The following IL23R variants were observed in gnomAD, a reference collection of about 807,000 sequenced individuals.
IL23R encodes the protein interleukin-23 receptor.
A neutral mutation model predicts 56.9 loss-of-function variants in IL23R; 34 were observed. That is an observed-to-expected ratio of 0.60 (90% CI 0.45 to 0.80). IL23R has a LOEUF of 0.80. Among genes scored for constraint, IL23R ranks in the 30% least tolerant of loss-of-function variants. The pLI, the probability that IL23R is intolerant of heterozygous loss-of-function variation, is 0.00. For missense variants in IL23R, 635 were observed against 730.0 expected (o/e 0.87, Z 1.50); for synonymous variants, 230 against 249.2 (o/e 0.92, Z 0.73).
intron 1 of IL23R, among the ~76,000 whole-genome samples, chr1:67,148,938 C>T (rs1646705374): frequency 6.6e-6 from 1 of 152,142 alleles, no homozygotes; most frequent in South Asian, 2.1e-4. Flanking sequence ...GAATGGAGTA[C>T]AGCCACTCTA....
chr1:67,235,006 T>C (rs990002663), intron 7 of IL23R, among the ~76,000 whole-genome samples: 4 of 152,132 alleles, frequency 2.6e-5, no homozygotes, highest in African/African-American at 9.7e-5. Context: ...AGTATTTTTA[T>C]TCTTAAAATT....
At chr1:67,265,705 G>A in the IL23R span, among the ~76,000 whole-genome samples, 1 of 152,094 alleles carries the variant, frequency 6.6e-6, no homozygotes, top group Non-Finnish European at 1.5e-5. Context: ...ATACCTAAAT[G>A]TGGAATTGCT....
Position 67,252,812 on chromosome 1 carries a change from AAAAAAAAG to A in IL23R, c.1149-3023_1149-3016del, listed in dbSNP as rs1428140722. Among the ~76,000 whole-genome samples the A allele has an allele frequency of 4.3e-5, 6 of 139,892 alleles. 1 individual carries two copies. The highest frequency in any genetic ancestry group is 5.1e-5 in the African/African-American group (2 of 38,914). 91.8% of individuals were successfully genotyped at this position (139,892 alleles called of 152,430 possible). On this transcript the variant is annotated intron_variant, in intron 9 of 10. Coordinates refer to ENST00000347310, the MANE Select transcript of IL23R (RefSeq NM_144701.3). ...CAGAACAAATTTATAGACAAAAAAA[AAAAAAAAG>A]AGAGAAGTGACATACAGAAATTGGC... is the stretch of plus-strand genomic sequence containing the variant.
In IL23R at chr1:67,259,131, C is replaced by G. The variant is rs765331957; in HGVS notation, c.*3C>G. 20 of 1,613,590 alleles carry G rather than the reference C, an allele frequency of 1.2e-5. No individual in the cohort carries two copies. The highest frequency in any genetic ancestry group is 1.7e-5 in the Non-Finnish European group (20 of 1,179,750). On this transcript the variant is annotated 3_prime_UTR_variant, in exon 11 of 11. Coordinates refer to ENST00000347310, the MANE Select transcript of IL23R (RefSeq NM_144701.3). ...GGATTTCACTCTTGGAAAAGTAGAG[C>G]TGTGTGGTCAAAATCAATATGAGAA...
intron 6 of IL23R, among the ~76,000 whole-genome samples, chr1:67,215,056 C>A (rs563317350): frequency 2.0e-5 from 3 of 152,276 alleles, no homozygotes; most frequent in Non-Finnish European, 4.4e-5. Context: ...CAATCACGAC[C>A]CTTTCATGTG....
At chr1:67,204,968 A>G (rs2102631560) in intron 5 of IL23R, among the ~76,000 whole-genome samples, 1 of 152,142 alleles carries the variant, frequency 6.6e-6, no homozygotes, top group South Asian at 2.1e-4. Context: ...TAGTAGAGAC[A>G]GGTGTTTCGC....
chr1:67,228,353 T>A (rs1363628379), intron 7 of IL23R, among the ~76,000 whole-genome samples: 2 of 95,990 alleles, frequency 2.1e-5, no homozygotes, highest in African/African-American at 7.3e-5. Context: ...CCAGCTAATT[T>A]TTTTTCTTCC....
intron 3 of IL23R, among the ~76,000 whole-genome samples, chr1:67,173,312 T>C (rs1646967170): frequency 6.6e-6 from 1 of 152,208 alleles, no homozygotes; most frequent in African/African-American, 2.4e-5. Context: ...TTTGATCTTT[T>C]GCAAAGTTAA....
At chr1:67,236,355 G>A (rs1338773857) in intron 7 of IL23R, among the ~76,000 whole-genome samples, 2 of 152,216 alleles carry the variant, frequency 1.3e-5, no homozygotes, top group Non-Finnish European at 1.5e-5. Flanking sequence ...ACCATCAATT[G>A]CAAGGAATCA....
At chr1:67,204,783 T>TC (rs33947567) in intron 5 of IL23R, among the ~76,000 whole-genome samples, 22 of 150,984 alleles carry the variant, frequency 1.5e-4, no homozygotes, top group Middle Eastern at 3.4e-3. Flanking sequence ...TTTTTTTTTT[T>TC]CCAGGGTTGG....
intron 7 of IL23R, among the ~76,000 whole-genome samples, chr1:67,226,773 C>T (rs79559184): frequency 0.013 from 1,942 of 152,258 alleles, 34 homozygotes; most frequent in African/African-American, 0.045. Context: ...GTATCACCAT[C>T]GCCTTAGTAG....
At position 67,206,903 on chromosome 1, in the gene IL23R, T is replaced by TTG; in HGVS notation, c.653-6_653-5insGT. On this transcript the variant is annotated splice_region_variant and splice_polypyrimidine_tract_variant and intron_variant, in intron 5 of 10. Coordinates refer to ENST00000347310, the MANE Select transcript of IL23R (RefSeq NM_144701.3). ...CCAGGTCTTTTTTTTTTTTTTTTTT[T>TTG]TTCTAGTGATACCTTCTGCAGCCGT... 1 of 1,532,486 alleles carries TTG rather than the reference T, an allele frequency of 6.5e-7. No homozygotes were observed. The highest frequency in any genetic ancestry group is 8.8e-7 in the Non-Finnish European group (1 of 1,142,768). The allele number at this position is 1,532,486 out of a possible 1,614,324, so 94.9% of individuals were successfully genotyped here. A position where few individuals can be genotyped will look rare whatever the true frequency, so the allele number is the denominator to read the frequency against.
downstream of IL23R, among the ~76,000 whole-genome samples, chr1:67,261,213 T>A (rs568968154): frequency 5.9e-5 from 9 of 152,130 alleles, no homozygotes; most frequent in South Asian, 1.9e-3. Context: ...GACCAATAAC[T>A]GCCCTCATTC....
intron 4 of IL23R, among the ~76,000 whole-genome samples, chr1:67,191,041 A>G (rs1045147457): frequency 6.6e-6 from 1 of 152,234 alleles, no homozygotes; most frequent in Non-Finnish European, 1.5e-5. Flanking sequence ...TTATGAGCCC[A>G]GAGAGCTAAT....
upstream of IL23R, among the ~76,000 whole-genome samples, chr1:67,164,342 A>G (rs1318412726): frequency 6.6e-6 from 1 of 152,128 alleles, no homozygotes; most frequent in Non-Finnish European, 1.5e-5. Flanking sequence ...CAACAAATAC[A>G]AAAAACCAGA....
At chr1:67,178,094 G>A (rs1328419149) in intron 3 of IL23R, among the ~76,000 whole-genome samples, 3 of 152,064 alleles carry the variant, frequency 2.0e-5, no homozygotes, top group Non-Finnish European at 2.9e-5. Flanking sequence ...TTGACTTGGC[G>A]ATGCAGGCTT....
Position 67,241,686 on chromosome 1 carries a change from T to C in IL23R, c.1148+1405T>C, listed in dbSNP as rs572270493. Among the ~76,000 whole-genome samples the C allele has an allele frequency of 2.6e-5, 4 of 152,326 alleles. No homozygotes were observed. In the South Asian group the frequency reaches 8.3e-4, roughly 32 times the overall value. On this transcript the variant is annotated intron_variant, in intron 9 of 10. Coordinates refer to ENST00000347310, the MANE Select transcript of IL23R (RefSeq NM_144701.3). ...CAGTTGAAGAGAGACCATTTGACAT[T>C]CTGGAGATGGCTGCTTGTAAACATT... is the stretch of plus-strand genomic sequence containing the variant.
intron 9 of IL23R, among the ~76,000 whole-genome samples, chr1:67,255,236 A>T (rs1339419415): frequency 6.6e-6 from 1 of 152,126 alleles, no homozygotes; most frequent in Admixed American, 6.6e-5. Flanking sequence ...TCTATTTAAT[A>T]TGTGTACGGT....
intron 3 of IL23R, among the ~76,000 whole-genome samples, chr1:67,176,250 T>C (rs1647006620): frequency 6.6e-6 from 1 of 151,544 alleles, no homozygotes; most frequent in South Asian, 2.1e-4. Flanking sequence ...GATACAGGAG[T>C]AGCTGGGGGA....
Sources: allele counts gnomAD v4.1 joint callset (sites outside exome capture counted in the v4.1 genomes callset), GRCh38; gene constraint gnomAD v4.1.1; transcripts MANE v1.5; gene names NCBI Gene and HGNC (gene_info 2026-07-23, HGNC 2026-07-21).